PPP6R1: variants seen among roughly 807,000 people sequenced by gnomAD.
The protein encoded by PPP6R1 is serine/threonine-protein phosphatase 6 regulatory subunit 1.
A neutral mutation model predicts 104.6 loss-of-function variants in PPP6R1; 39 were observed. The observed-to-expected ratio is 0.37, with a 90% CI of 0.29 to 0.49. The LOEUF is 0.49. Ranked by LOEUF, PPP6R1 falls within the 20% of genes least tolerant of loss-of-function variation. The pLI, the probability that PPP6R1 is intolerant of heterozygous loss-of-function variation, is 0.98. For synonymous variants in PPP6R1, 549 were observed against 479.0 expected, an observed-to-expected ratio of 1.15 and a Z score of -1.91; for missense variants, 1,181 against 1,155.8, an observed-to-expected ratio of 1.02 and a Z score of -0.32.
intron 1 of PPP6R1, among the ~76,000 whole-genome samples, chr19:55,248,295 G>C (rs112490864): frequency 6.6e-6 from 1 of 152,144 alleles, no homozygotes; most frequent in Non-Finnish European, 1.5e-5. Context: ...CACAGGACAA[G>C]GGGCAACCAA....
intron 10 of PPP6R1, among the ~76,000 whole-genome samples, chr19:55,240,514 TACACACACACACACACACACACACACAC>T (rs777717878): frequency 1.9e-4 from 26 of 136,020 alleles, no homozygotes; most frequent in South Asian, 1.2e-3. Context: ...ATGTGGTGCA[TACACACACACACACACACACACACACAC>T]ACACACACAC....
downstream of PPP6R1, chr19:55,228,658 C>T (rs1453621510): frequency 6.2e-7 from 1 of 1,600,924 alleles, no homozygotes. Flanking sequence ...GCCCTGTCCC[C>T]CCAGCCCCAG....
At chr19:55,240,205 C>G (rs771659887) in intron 11 of PPP6R1, 31 bp downstream of exon 11, 3 of 1,574,734 alleles carry the variant, frequency 1.9e-6, no homozygotes, top group Non-Finnish European at 2.6e-6. Context: ...AGCCCCAGCC[C>G]CTGGAGACAT....
At chr19:55,250,576 C>T (rs1372631668) in intron 1 of PPP6R1, among the ~76,000 whole-genome samples, 2 of 152,176 alleles carry the variant, frequency 1.3e-5, no homozygotes, top group Admixed American at 6.5e-5. Flanking sequence ...ACTCCCTGTC[C>T]ACCTTGTCCC....
At position 55,231,782 on chromosome 19, in the gene PPP6R1, C is replaced by T; in HGVS notation, c.2306+20G>A. Reference sequence around the variant, plus strand: ...CCTCGGGATACCAGCACCATTTAGCCCGTTCCATCCGGTTCTCACCTGAGC... The same window carrying T: ...CCTCGGGATACCAGCACCATTTAGCTCGTTCCATCCGGTTCTCACCTGAGC... On this transcript the variant is annotated intron_variant, in intron 19 of 23. Coordinates refer to ENST00000412770, the MANE Select transcript of PPP6R1 (RefSeq NM_014931.4). 6.7e-7 allele frequency: 1 copy of T among 1,493,510 alleles called. No homozygotes were observed. Among genetic ancestry groups the T allele is most frequent in the Non-Finnish European group, 8.9e-7 (1 of 1,121,838 alleles). The allele number at this position is 1,493,510 out of a possible 1,614,324, so 92.5% of individuals were successfully genotyped here.
At chr19:55,256,601 C>G (rs2087595348) in intron 1 of PPP6R1, among the ~76,000 whole-genome samples, 1 of 152,242 alleles carries the variant, frequency 6.6e-6, no homozygotes, top group South Asian at 2.1e-4. Flanking sequence ...CTTGAACCCA[C>G]GAGTTTGAAA....
At chr19:55,247,495 G>T (rs1286828226) in intron 1 of PPP6R1, 1 of 196,430 alleles carries the variant, frequency 5.1e-6, no homozygotes, top group East Asian at 1.4e-4. Flanking sequence ...GCACTGAGGG[G>T]CCTCGGGCCC....
intron 1 of PPP6R1, among the ~76,000 whole-genome samples, chr19:55,249,782 G>A (rs2087538987): frequency 6.6e-6 from 1 of 152,094 alleles, no homozygotes. Context: ...GGAGGTTGCA[G>A]TGAGTCGAGA....
At chr19:55,257,102 A>G (rs953710558) in intron 1 of PPP6R1, among the ~76,000 whole-genome samples, 6 of 150,348 alleles carry the variant, frequency 4.0e-5, no homozygotes, top group South Asian at 2.1e-4. Flanking sequence ...AAAAAAAAGC[A>G]TAACATTTTC....
At chr19:55,234,691 C>A (rs1008998223) in intron 17 of PPP6R1, among the ~76,000 whole-genome samples, 4 of 152,080 alleles carry the variant, frequency 2.6e-5, no homozygotes, top group African/African-American at 9.7e-5. Context: ...CAGGAACCTG[C>A]CCAAAGGCCT....
rs780813571 is a variant in PPP6R1 at position 55,242,293 on chromosome 19, G to T, written c.732-14C>A. 17 of 1,613,012 alleles carry T rather than the reference G, an allele frequency of 1.1e-5. No homozygotes were observed. Among genetic ancestry groups the T allele is most frequent in the Non-Finnish European group, 1.3e-5 (15 of 1,179,142 alleles). ...ATCGTCTCCTGCCTGCGGGGGCAGG[G>T]GCAGGGGTCAGGGTGAGGGGCCAGG... On this transcript the variant is annotated splice_polypyrimidine_tract_variant and intron_variant, in intron 6 of 23. Transcript: ENST00000412770.
In PPP6R1 at chr19:55,241,047, G is replaced by A. The variant is rs747322327; in HGVS notation, c.1194C>T (p.Phe398=). ...CGCATCCCTCTACTTGGGCATGCAA[G>A]AAGTTGTTGAAGACATAATGGAAGA... The part of the protein sequence containing the change: ...DLFFHYVFNN[F]LHAQVEGCVS... The change falls in exon 10 of 24, where the codon TTC becomes TTT. Residue 398 remains phenylalanine, a synonymous_variant. Transcript: ENST00000412770. This position sits in a 1 kb window ranked among gnomAD's most constrained non-coding sequence, Gnocchi z 5.4. 2.1e-5 allele frequency: 32 copies of A among 1,557,248 alleles called. No homozygotes were observed. In the South Asian group the frequency reaches 3.1e-4, roughly 15 times the overall value.
At chr19:55,243,283 G>A (rs1394227392) in intron 5 of PPP6R1, among the ~76,000 whole-genome samples, 1 of 152,004 alleles carries the variant, frequency 6.6e-6, no homozygotes, top group East Asian at 1.9e-4. Flanking sequence ...CGCAGTGGTA[G>A]GCGCCTGTAG....
chr19:55,229,043 A>C, downstream of PPP6R1: 1 of 342,558 alleles, frequency 2.9e-6, no homozygotes, highest in South Asian at 4.3e-5. Context: ...CCCAACAATC[A>C]GAAGAGATGG....
chr19:55,230,977 GGT>G (rs1237618764), intron 21 of PPP6R1, 93 bp from the exon 22 acceptor site: 2 of 1,111,360 alleles, frequency 1.8e-6, no homozygotes, highest in Admixed American at 2.0e-5. Context: ...CGGCTCACTG[GGT>G]GTGTGTCTGC....
rs141053941 is a variant in PPP6R1, at chr19:55,254,860, G to A, written c.-7+3575C>T. Among the ~76,000 whole-genome samples the A allele has an allele frequency of 1.2e-3, 187 of 152,342 alleles. 4 individuals carry two copies. The East Asian group carries it at 0.032, about 26-fold the overall frequency. On this transcript the variant is annotated intron_variant, in intron 1 of 23. Coordinates refer to ENST00000412770, the MANE Select transcript of PPP6R1 (RefSeq NM_014931.4). Reference sequence around the variant, plus strand: ...AGCTCTCAGCCAAATCTGAAAGGGGGCTGGGAACACCCAATTCCAGGGATG... The same window carrying A: ...AGCTCTCAGCCAAATCTGAAAGGGGACTGGGAACACCCAATTCCAGGGATG...
At chr19:55,239,538 G>T (rs376476762) in intron 14 of PPP6R1, 36 bp from the exon 15 acceptor site, 2 of 1,610,402 alleles carry the variant, frequency 1.2e-6, no homozygotes, top group Non-Finnish European at 8.5e-7. Flanking sequence ...GGAGGGAGTT[G>T]GGCAGGACCC....
In PPP6R1 at chr19:55,239,857, G is replaced by A. The variant is rs762448448; in HGVS notation, c.1532C>T (p.Ala511Val). 1.1e-5 allele frequency: 18 copies of A among 1,613,892 alleles called. No individual in the cohort carries two copies. The highest frequency in any genetic ancestry group is 1.3e-5 in the Non-Finnish European group (15 of 1,179,848). Residue 511 changes from alanine (A) to valine (V), a missense_variant, in exon 13 of 24, where the codon GCG becomes GTG. Coordinates refer to ENST00000412770, the MANE Select transcript of PPP6R1 (RefSeq NM_014931.4). ...QWEAFVSGPL[A>V]ETNKKNMVDL... ...CACCATGTTCTTCTTGTTGGTCTCC[G>A]CCAGGGGCCCCGATACGAAGGCTTC...
intron 1 of PPP6R1, among the ~76,000 whole-genome samples, chr19:55,249,776 G>A (rs1194551205): frequency 2.1e-4 from 32 of 152,076 alleles, no homozygotes; most frequent in Admixed American, 2.0e-3. Context: ...GGGAGCGGAG[G>A]TTGCAGTGAG....
Sources: gnomAD v4.1 joint callset for allele counts (sites outside exome capture counted in the v4.1 genomes callset) on GRCh38, gnomAD v4.1.1 for gene constraint, Gnocchi (gnomAD v3.1) non-coding constraint, MANE v1.5 for transcripts, NCBI Gene and HGNC (gene_info 2026-07-23, HGNC 2026-07-21) for gene names.